Variants in WWOX observed in about 807,000 individuals in gnomAD.
The protein encoded by WWOX is WW domain containing oxidoreductase, also known as WW domain-containing oxidoreductase.
In WWOX, 69 loss-of-function variants were observed where a neutral mutation model predicts 46.2. The observed-to-expected ratio is 1.49, with a 90% CI of 1.23 to 1.82. WWOX has a LOEUF of 1.82. Among genes scored for constraint, WWOX ranks in the 40% most tolerant of loss-of-function variants. The pLI is 0.00. For missense variants in WWOX, 919 were observed against 542.6 expected (o/e 1.69, Z -6.89); for synonymous variants, 359 against 202.6 (o/e 1.77, Z -6.56).
intron 8 of WWOX, among the ~76,000 whole-genome samples, chr16:78,662,764 C>T (rs191009136): frequency 6.6e-6 from 1 of 152,286 alleles, no homozygotes; most frequent in East Asian, 1.9e-4. Context: ...TTCCAAGCTG[C>T]ACAGTTGTTG....
chr16:78,100,788 G>C (rs1238160269), intron 1 of WWOX, among the ~76,000 whole-genome samples: 1 of 152,164 alleles, frequency 6.6e-6, no homozygotes, highest in Non-Finnish European at 1.5e-5. Context: ...GTCGTTCCTT[G>C]ATTGCTCTTA....
At position 78,608,105 on chromosome 16, in the gene WWOX, G is replaced by T. The variant is rs2045806593; in HGVS notation, c.1056+175353G>T. ...TTTAGTGCATTTGATATGATGTGAT[G>T]TGGCTTTCTCCAAGCCTGAGAGTGC... is the stretch of plus-strand genomic sequence containing the variant. On this transcript the variant is annotated intron_variant, in intron 8 of 8. Coordinates refer to ENST00000566780, the MANE Select transcript of WWOX (RefSeq NM_016373.4). Among the ~76,000 whole-genome samples, 5 of 152,182 alleles carry T rather than the reference G, an allele frequency of 3.3e-5. No homozygotes were observed. In the South Asian group the frequency reaches 1.0e-3, roughly 31 times the overall value.
chr16:78,874,697 T>TTC (rs1205962816), intron 8 of WWOX, among the ~76,000 whole-genome samples: 2 of 146,122 alleles, frequency 1.4e-5, no homozygotes, highest in Non-Finnish European at 3.0e-5. Flanking sequence ...TTTTTTTTTT[T>TTC]TTTTTTTTTT....
At chr16:79,129,579 A>T (rs2049832870) in intron 8 of WWOX, among the ~76,000 whole-genome samples, 1 of 151,938 alleles carries the variant, frequency 6.6e-6, no homozygotes, top group African/African-American at 2.4e-5. Context: ...GATTACCTCT[A>T]CCTGGTATAT....
At chr16:79,064,941 T>G (rs2048415853) in intron 8 of WWOX, among the ~76,000 whole-genome samples, 1 of 152,120 alleles carries the variant, frequency 6.6e-6, no homozygotes, top group East Asian at 1.9e-4. Flanking sequence ...GCGCCAGGAA[T>G]CTGTGTTTAT....
In WWOX at chr16:78,957,274, G is replaced by A. The variant is rs528623524; in HGVS notation, c.1057-254334G>A. Among the ~76,000 whole-genome samples the A allele has an allele frequency of 9.2e-5, 14 of 152,322 alleles. No homozygotes were observed. The South Asian group carries it at 2.7e-3, about 29-fold the overall frequency. ...AATAATTATTTTGAGATACCGACAT[G>A]CGTGACGACCAGATAATTATCTGAG... On this transcript the variant is annotated intron_variant, in intron 8 of 8. Transcript: ENST00000566780.
At chr16:78,495,012 C>T (rs2084877650) in intron 8 of WWOX, among the ~76,000 whole-genome samples, 1 of 152,036 alleles carries the variant, frequency 6.6e-6, no homozygotes, top group Non-Finnish European at 1.5e-5. Context: ...GGGTCAAGCC[C>T]CTCGGACATG....
intron 8 of WWOX, among the ~76,000 whole-genome samples, chr16:78,790,757 T>C (rs533870948): frequency 1.6e-3 from 244 of 152,270 alleles, no homozygotes; most frequent in African/African-American, 5.7e-3. Context: ...CAGTGACTCA[T>C]GCCTGTAACC....
intron 8 of WWOX, among the ~76,000 whole-genome samples, chr16:78,782,877 T>C (rs778886132): frequency 6.6e-6 from 1 of 152,202 alleles, no homozygotes; most frequent in Middle Eastern, 3.2e-3. Flanking sequence ...GATCCAAAAA[T>C]GTCTTCTCTC....
At chr16:78,190,266 C>T (rs950185094) in intron 5 of WWOX, among the ~76,000 whole-genome samples, 8 of 152,170 alleles carry the variant, frequency 5.3e-5, no homozygotes, top group African/African-American at 1.7e-4. Context: ...ATATGGGCTG[C>T]TAGCGCTTAG....
At chr16:78,941,287 C>G (rs1283005193) in intron 8 of WWOX, among the ~76,000 whole-genome samples, 5 of 152,028 alleles carry the variant, frequency 3.3e-5, no homozygotes, top group Non-Finnish European at 7.4e-5. Flanking sequence ...ATAATTAATG[C>G]CACTAGCAGT....
intron 8 of WWOX, among the ~76,000 whole-genome samples, chr16:79,010,668 G>A (rs373916179): frequency 1.1e-4 from 16 of 152,184 alleles, no homozygotes; most frequent in African/African-American, 3.4e-4. Context: ...ACAGTGGATT[G>A]TTTCTCTGGG....
intron 8 of WWOX, among the ~76,000 whole-genome samples, chr16:78,625,892 C>T (rs1387885643): frequency 1.3e-5 from 2 of 150,270 alleles, no homozygotes; most frequent in African/African-American, 2.4e-5. Context: ...AATGCAATTA[C>T]TTAAAACTTA....
intron 8 of WWOX, among the ~76,000 whole-genome samples, chr16:78,700,096 A>G (rs922903202): frequency 2.0e-5 from 3 of 151,080 alleles, no homozygotes; most frequent in African/African-American, 7.3e-5. Context: ...TCCTAGGGTC[A>G]TTTTTTTCAA....
chr16:78,814,103 A>C (rs777712541), intron 8 of WWOX, among the ~76,000 whole-genome samples: 6 of 152,244 alleles, frequency 3.9e-5, no homozygotes, highest in Non-Finnish European at 8.8e-5. Flanking sequence ...TTTTCAGTGC[A>C]GGACAGTGTG....
At position 79,176,951 on chromosome 16, in the gene WWOX, C is replaced by T. The variant is rs543619748; in HGVS notation, c.1057-34657C>T. On this transcript the variant is annotated intron_variant, in intron 8 of 8. Coordinates refer to ENST00000566780, the MANE Select transcript of WWOX (RefSeq NM_016373.4). Reference sequence around the variant, plus strand: ...GCACCCTTTCCCTCTCATCAGTTTCCACCCCTCCTGCTGAAAATGGAGTAC... The same window carrying T: ...GCACCCTTTCCCTCTCATCAGTTTCTACCCCTCCTGCTGAAAATGGAGTAC... Among the ~76,000 whole-genome samples the T allele has an allele frequency of 4.3e-4, 65 of 152,120 alleles. 1 individual carries two copies. The highest frequency in any genetic ancestry group is 8.4e-4 in the Non-Finnish European group (57 of 68,034).
At chr16:78,481,148 G>C (rs2084475767) in intron 8 of WWOX, among the ~76,000 whole-genome samples, 1 of 152,146 alleles carries the variant, frequency 6.6e-6, no homozygotes, top group African/African-American at 2.4e-5. Context: ...ACCATTCCTG[G>C]AGGTAGTAGC....
At chr16:78,950,533 T>TACACACACAC (rs141591649) in intron 8 of WWOX, among the ~76,000 whole-genome samples, 30 of 147,058 alleles carry the variant, frequency 2.0e-4, no homozygotes, top group African/African-American at 4.8e-4. Context: ...CACACACACA[T>TACACACACAC]ACACACACAC....
intron 8 of WWOX, among the ~76,000 whole-genome samples, chr16:78,454,590 C>G (rs762496366): frequency 6.6e-6 from 1 of 152,178 alleles, no homozygotes; most frequent in African/African-American, 2.4e-5. Context: ...ACCCCAAGCT[C>G]CGCTTCCCAG....
Sources: allele counts gnomAD v4.1 joint callset (sites outside exome capture counted in the v4.1 genomes callset), GRCh38; gene constraint gnomAD v4.1.1; transcripts MANE v1.5; gene names NCBI Gene and HGNC (gene_info 2026-07-23, HGNC 2026-07-21).